ANKRD11: variants seen among roughly 807,000 people sequenced by gnomAD.
ANKRD11 encodes ankyrin repeat domain 11, also known as ankyrin repeat domain-containing protein 11.
A neutral mutation model predicts 195.7 loss-of-function variants in ANKRD11; 17 were observed. That is an observed-to-expected ratio of 0.09 (90% CI 0.06 to 0.13). ANKRD11 has a LOEUF of 0.13. Ranked by LOEUF, ANKRD11 falls within the 10% of genes least tolerant of loss-of-function variation. The pLI is 1.00. For synonymous variants in ANKRD11, 1,953 were observed against 1,528.1 expected, an observed-to-expected ratio of 1.28 and a Z score of -6.49; for missense variants, 3,735 against 3,566.1, an observed-to-expected ratio of 1.05 and a Z score of -1.21.
chr16:89,390,277 C>T (rs34455668), intron 2 of ANKRD11, among the ~76,000 whole-genome samples: 2 of 113,392 alleles, frequency 1.8e-5, no homozygotes, highest in African/African-American at 6.3e-5. Flanking sequence ...CGGGGAGCAC[C>T]GAGAGAGAAG....
At chr16:89,321,898 A>G (rs2037350203) in intron 2 of ANKRD11, among the ~76,000 whole-genome samples, 1 of 152,126 alleles carries the variant, frequency 6.6e-6, no homozygotes, top group Non-Finnish European at 1.5e-5. Context: ...CCTCAACGTG[A>G]AAACCCGGAG....
At chr16:89,455,307 G>T (rs2056383631) in intron 1 of ANKRD11, among the ~76,000 whole-genome samples, 2 of 151,088 alleles carry the variant, frequency 1.3e-5, no homozygotes, top group South Asian at 4.2e-4. Flanking sequence ...TGCTTCCCTG[G>T]GTGCTTCTAG....
At chr16:89,380,882 C>A (rs2152104305) in intron 2 of ANKRD11, among the ~76,000 whole-genome samples, 1 of 152,324 alleles carries the variant, frequency 6.6e-6, no homozygotes, top group Non-Finnish European at 1.5e-5. Context: ...GGCAATGCAG[C>A]TCAGAGGTCG....
chr16:89,280,828 C>A lies in ANKRD11; in HGVS notation c.5714G>T (p.Gly1905Val). The change falls in exon 9 of 13, where the codon GGG (glycine) becomes GTG (valine). Residue 1905 changes from glycine (G) to valine (V), a missense_variant. By Grantham distance (109) the Gly-to-Val change is moderately radical. Transcript: ENST00000301030. ...RAELLVPSLE[G>V]ALPPDLDTSE... is the part of the protein sequence containing the mutation. ...GGTGTCCAGGTCCGGGGGAAGGGCCCCTTCGAGGGAAGGAACCAGCAGCTC... is the reference window on the plus strand; with the variant it reads ...GGTGTCCAGGTCCGGGGGAAGGGCCACTTCGAGGGAAGGAACCAGCAGCTC... 6.2e-7 allele frequency: 1 copy of A among 1,601,198 alleles called. No individual in the cohort carries two copies. The highest frequency in any genetic ancestry group is 8.5e-7 in the Non-Finnish European group (1 of 1,170,330).
Position 89,285,681 on chromosome 16 carries a change from C to G in ANKRD11, c.893-32G>C. The G allele has an allele frequency of 6.2e-7, 1 of 1,611,196 alleles. No homozygotes were observed. Among genetic ancestry groups the G allele is most frequent in the South Asian group, 1.1e-5 (1 of 91,010 alleles). ...GAGGTAGGAAGCGAGAGGTCACAGG[C>G]AGGCTCAAAACAGCTCTCCCCAGAA... On this transcript the variant is annotated intron_variant, in intron 8 of 12. Transcript: ENST00000301030. The surrounding 1 kb of genome is among the most constrained non-coding windows in gnomAD (Gnocchi z 5.6).
chr16:89,402,373 T>A (rs2041730222), intron 2 of ANKRD11, among the ~76,000 whole-genome samples: 2 of 152,186 alleles, frequency 1.3e-5, no homozygotes, highest in Admixed American at 1.3e-4. Flanking sequence ...GATTGAGCGC[T>A]TATTTAAATC....
intron 2 of ANKRD11, among the ~76,000 whole-genome samples, chr16:89,376,650 G>A (rs539615759): frequency 3.9e-5 from 6 of 152,284 alleles, no homozygotes; most frequent in Admixed American, 3.9e-4. Context: ...TGTTGGCCAG[G>A]CTGGTCTCAA....
rs1340693846 is a variant in ANKRD11 at position 89,282,488 on chromosome 16, G to A, written c.4054C>T (p.His1352Tyr). 1.2e-6 allele frequency: 2 copies of A among 1,613,852 alleles called. No homozygotes were observed. Among genetic ancestry groups the A allele is most frequent in the Non-Finnish European group, 1.7e-6 (2 of 1,180,012 alleles). Reference protein sequence around the residue: ...EKLKEKERHRHSSSSSKKSHD... With the variant: ...EKLKEKERHRYSSSSSKKSHD... ...CTCTTCTTGGATGAAGATGAGGAGTGTCTGTGCCTCTCCTTCTCTTTCAGC... is the reference window on the plus strand; with the variant it reads ...CTCTTCTTGGATGAAGATGAGGAGTATCTGTGCCTCTCCTTCTCTTTCAGC... Residue 1352 changes from histidine (H) to tyrosine (Y), a missense_variant, in exon 9 of 13, where the codon CAC (histidine) becomes TAC (tyrosine). His to Tyr is a moderately conservative substitution (Grantham distance 83). Transcript: ENST00000301030.
intron 2 of ANKRD11, among the ~76,000 whole-genome samples, chr16:89,396,395 C>T (rs1359872284): frequency 2.6e-5 from 4 of 152,170 alleles, no homozygotes; most frequent in Non-Finnish European, 4.4e-5. Context: ...CAAGAGAGAC[C>T]AAAGGGAAGC....
chr16:89,362,559 A>T (rs3114867), intron 2 of ANKRD11, among the ~76,000 whole-genome samples: 1 of 152,090 alleles, frequency 6.6e-6, no homozygotes, highest in Non-Finnish European at 1.5e-5. Context: ...AAAAAGTAGA[A>T]GTTCCTCTTC....
At chr16:89,418,683 T>A (rs970477455) in intron 1 of ANKRD11, among the ~76,000 whole-genome samples, 5 of 152,190 alleles carry the variant, frequency 3.3e-5, no homozygotes, top group Non-Finnish European at 5.9e-5. Context: ...TGGGGCTTTT[T>A]ATACGTAAGA....
At chr16:89,300,728 G>A (rs1433996211) in intron 4 of ANKRD11, 1 of 552,030 alleles carries the variant, frequency 1.8e-6, no homozygotes, top group African/African-American at 1.9e-5. Flanking sequence ...GACTGAAGGT[G>A]CCAAGCACCT....
chr16:89,443,617 T>G (rs2043632885), intron 1 of ANKRD11, among the ~76,000 whole-genome samples: 1 of 152,156 alleles, frequency 6.6e-6, no homozygotes, highest in Non-Finnish European at 1.5e-5. Flanking sequence ...GGAAAATTCT[T>G]TAGGCAATAC....
rs759221647 is a variant in ANKRD11 at position 89,279,062 on chromosome 16, C to T, written c.7470+10G>A. 1.6e-5 allele frequency: 26 copies of T among 1,613,634 alleles called. No homozygotes were observed. Among genetic ancestry groups the T allele is most frequent in the Middle Eastern group, 3.3e-4 (2 of 6,080 alleles). On this transcript the variant is annotated intron_variant, in intron 9 of 12. Coordinates refer to ENST00000301030, the MANE Select transcript of ANKRD11 (RefSeq NM_013275.6). The surrounding 1 kb of genome is among the most constrained non-coding windows in gnomAD (Gnocchi z 5.6). ...GAGAAGGCAGTGGCTCTCCCGGGCC[C>T]CGCACTCACCACGGGGATGTGGAGC...
intron 1 of ANKRD11, among the ~76,000 whole-genome samples, chr16:89,432,296 T>C (rs1422179102): frequency 6.7e-6 from 1 of 149,334 alleles, no homozygotes. Flanking sequence ...AAATAAAAGC[T>C]TCACAGGACG....
rs867979429 is a variant in ANKRD11 at position 89,441,783 on chromosome 16, A to C, written c.-144-23415T>G. On this transcript the variant is annotated intron_variant, in intron 1 of 12. Transcript: ENST00000301030. ...CTCCGCCTACAAAAAAAAAAAAAAAAAAAAAAAAAACGCAAACCTGACTCT... is the reference window on the plus strand; with the variant it reads ...CTCCGCCTACAAAAAAAAAAAAAAACAAAAAAAAAACGCAAACCTGACTCT... Among the ~76,000 whole-genome samples the C allele has an allele frequency of 3.6e-3, 499 of 138,970 alleles. 8 individuals carry two copies. The highest frequency in any genetic ancestry group is 0.019 in the Middle Eastern group (5 of 262). 91.2% of individuals were successfully genotyped at this position (138,970 alleles called of 152,430 possible).
At chr16:89,436,274 C>A (rs1444870973) in intron 1 of ANKRD11, among the ~76,000 whole-genome samples, 2 of 151,874 alleles carry the variant, frequency 1.3e-5, no homozygotes, top group Admixed American at 6.6e-5. Flanking sequence ...ATGAGCTGGG[C>A]GTGATGGCTC....
chr16:89,463,048 T>TG (rs1421160369), intron 1 of ANKRD11, among the ~76,000 whole-genome samples: 19 of 102,276 alleles, frequency 1.9e-4, no homozygotes, highest in East Asian at 3.4e-4. Context: ...GGGAGGGAGG[T>TG]GGGGGGGTCA....
At chr16:89,371,409 A>G (rs1055819372) in intron 2 of ANKRD11, among the ~76,000 whole-genome samples, 1 of 152,204 alleles carries the variant, frequency 6.6e-6, no homozygotes, top group African/African-American at 2.4e-5. Context: ...CCCTGCACAG[A>G]CAGGTGTCCA....
Sources: allele counts gnomAD v4.1 joint callset (sites outside exome capture counted in the v4.1 genomes callset), GRCh38; gene constraint gnomAD v4.1.1; non-coding constraint Gnocchi (gnomAD v3.1); transcripts MANE v1.5; gene names NCBI Gene and HGNC (gene_info 2026-07-23, HGNC 2026-07-21).